Variants in PKP2 observed in about 807,000 individuals in gnomAD.
The protein encoded by PKP2 is plakophilin 2.
A neutral mutation model predicts 83.4 loss-of-function variants in PKP2; 73 were observed. The ratio of observed to expected loss-of-function variants is 0.88; its 90% confidence interval spans 0.72 to 1.06. The LOEUF is 1.06. PKP2 is among the 50% of genes least tolerant of loss of function. PKP2 has a pLI of 0.00. For missense variants in PKP2, 966 were observed against 1,065.4 expected (o/e 0.91, Z 1.30); for synonymous variants, 409 against 430.4 (o/e 0.95, Z 0.62).
chr12:32,892,607 C>T (rs549362047), intron 1 of PKP2, among the ~76,000 whole-genome samples: 3 of 152,172 alleles, frequency 2.0e-5, no homozygotes, highest in Non-Finnish European at 4.4e-5. Flanking sequence ...TGAGTCACTG[C>T]GCCCAGCCCA....
chr12:32,832,388 A>C (rs549700126), intron 6 of PKP2, among the ~76,000 whole-genome samples: 1 of 152,172 alleles, frequency 6.6e-6, no homozygotes, highest in African/African-American at 2.4e-5. Flanking sequence ...AAAAAAGAAA[A>C]AAAAAAAATT....
chr12:32,819,657 G>A (rs943875684), intron 9 of PKP2, among the ~76,000 whole-genome samples: 2 of 152,146 alleles, frequency 1.3e-5, no homozygotes, highest in Non-Finnish European at 2.9e-5. Flanking sequence ...ATGCTCAAAA[G>A]AATGTTTGTT....
intron 10 of PKP2, among the ~76,000 whole-genome samples, chr12:32,800,579 A>T (rs1237975294): frequency 6.6e-6 from 1 of 152,160 alleles, no homozygotes; most frequent in Non-Finnish European, 1.5e-5. Flanking sequence ...CAAGCTACTT[A>T]ATGTCTCTAT....
chr12:32,854,509 G>A (rs969784916), intron 4 of PKP2, among the ~76,000 whole-genome samples: 10 of 152,210 alleles, frequency 6.6e-5, no homozygotes, highest in Non-Finnish European at 8.8e-5. Flanking sequence ...AAGATGGTAG[G>A]TGATGAATCC....
intron 4 of PKP2, chr12:32,863,490 A>G (rs1340964776): frequency 5.5e-6 from 1 of 181,420 alleles, no homozygotes; most frequent in East Asian, 1.8e-4. Context: ...AAACAAAATA[A>G]AAATTTTCAG....
intron 1 of PKP2, among the ~76,000 whole-genome samples, chr12:32,890,527 C>T (rs1442880151): frequency 6.6e-6 from 1 of 152,240 alleles, no homozygotes; most frequent in East Asian, 1.9e-4. Context: ...TTTTCAAATG[C>T]TTAAGTTTCT....
rs1214194319 is a variant in PKP2, at chr12:32,819,282, T to TAAATA, written c.2013+2069_2013+2073dup. The stretch of plus-strand genomic sequence containing the variant: ...AACAGAGTGAGATTCCGCCTCAAAA[T>TAAATA]AAATACAATACAATACAATACAATA... On this transcript the variant is annotated intron_variant, in intron 9 of 12. Transcript: ENST00000340811. 2.7e-3 allele frequency among the ~76,000 whole-genome samples: 301 copies of TAAATA among 112,166 alleles called. 3 individuals are homozygous for TAAATA. Among genetic ancestry groups the TAAATA allele is most frequent in the African/African-American group, 0.01 (274 of 27,324 alleles). The allele number at this position is 112,166 out of a possible 152,430, so 73.6% of individuals were successfully genotyped here.
At chr12:32,821,960 A>G (rs1956383930) in intron 8 of PKP2, 1 of 243,094 alleles carries the variant, frequency 4.1e-6, no homozygotes, top group Non-Finnish European at 8.0e-6. Context: ...ATACCACGAT[A>G]CTCAGAGAAG....
chr12:32,858,100 TA>T (rs1956768882), intron 4 of PKP2, among the ~76,000 whole-genome samples: 2 of 91,924 alleles, frequency 2.2e-5, no homozygotes, highest in African/African-American at 8.8e-5. Flanking sequence ...TATATATATA[TA>T]TATATATATA....
At chr12:32,819,349 A>G (rs1423282720) in intron 9 of PKP2, among the ~76,000 whole-genome samples, 2 of 146,770 alleles carry the variant, frequency 1.4e-5, no homozygotes, top group Non-Finnish European at 2.9e-5. Flanking sequence ...AATAAAATAA[A>G]GGGGCTTCAT....
At position 32,871,811 on chromosome 12, in the gene PKP2, G is replaced by A. The variant is rs138805859; in HGVS notation, c.1035-2749C>T. Among the ~76,000 whole-genome samples the A allele has an allele frequency of 2.0e-3, 307 of 152,146 alleles. 5 individuals carry two copies. Among genetic ancestry groups the A allele is most frequent in the Non-Finnish European group, 5.0e-4 (34 of 67,988 alleles). On this transcript the variant is annotated intron_variant, in intron 3 of 12. Coordinates refer to ENST00000340811, the MANE Select transcript of PKP2 (RefSeq NM_001005242.3). ...GATGAGGCCTCCCTATATTGCCCAG[G>A]CTGGTCTCCAACTCCTTGTCTTAAG...
intron 4 of PKP2, among the ~76,000 whole-genome samples, chr12:32,858,084 A>ATATATATATAT (rs1555146084): frequency 1.5e-5 from 1 of 67,026 alleles, no homozygotes; most frequent in African/African-American, 8.0e-5. Context: ...AAAAAAAAAA[A>ATATATATATAT]ATATATATAT....
chr12:32,839,142 T>C (rs1956566850), intron 6 of PKP2, among the ~76,000 whole-genome samples: 1 of 152,112 alleles, frequency 6.6e-6, no homozygotes, highest in African/African-American at 2.4e-5. Context: ...AAAGGCTGTG[T>C]ATGCTGTGAT....
chr12:32,878,482 T>A lies in PKP2; in HGVS notation c.398A>T (p.Gln133Leu). 6.2e-7 allele frequency: 1 copy of A among 1,613,980 alleles called. No individual in the cohort carries two copies. The highest frequency in any genetic ancestry group is 1.3e-5 in the African/African-American group (1 of 75,074). Residue 133 changes from glutamine to leucine, a missense_variant, in exon 3 of 13, where the codon CAG becomes CTG. Coordinates refer to ENST00000340811, the MANE Select transcript of PKP2 (RefSeq NM_001005242.3). ...CAAGGACCTTTCTTCCACGGACTTC[T>A]GGGAGCTGTACTGTGCTGTTCCTCT... The part of the protein sequence containing the change: ...WGRGTAQYSS[Q>L]KSVEERSLRH...
At chr12:32,895,665 T>A (rs1957116018) in intron 1 of PKP2, among the ~76,000 whole-genome samples, 1 of 152,234 alleles carries the variant, frequency 6.6e-6, no homozygotes, top group Non-Finnish European at 1.5e-5. Context: ...AAAGGATACA[T>A]CATGATCTCT....
At chr12:32,853,532 A>T (rs1354558479) in intron 4 of PKP2, among the ~76,000 whole-genome samples, 5 of 130,866 alleles carry the variant, frequency 3.8e-5, no homozygotes, top group African/African-American at 1.5e-4. Flanking sequence ...TTTGAGACGG[A>T]GTCTCGCTCT....
intron 1 of PKP2, among the ~76,000 whole-genome samples, chr12:32,879,440 G>A (rs1956965685): frequency 6.6e-6 from 1 of 152,176 alleles, no homozygotes; most frequent in South Asian, 2.1e-4. Flanking sequence ...GCTGAGGCAG[G>A]AGAATCACTT....
chr12:32,838,257 A>G (rs1592745032), intron 6 of PKP2, among the ~76,000 whole-genome samples: 1 of 152,200 alleles, frequency 6.6e-6, no homozygotes, highest in East Asian at 1.9e-4. Flanking sequence ...TTCTCACTTA[A>G]AAATGGGAGC....
chr12:32,892,818 CG>C (rs574559982), intron 1 of PKP2, among the ~76,000 whole-genome samples: 1,467 of 20,044 alleles, frequency 0.073, 129 homozygotes, highest in African/African-American at 0.12. Context: ...GGGGTGGGGG[CG>C]GGGGGGGGGG....
Sources: gnomAD v4.1 joint callset for allele counts (sites outside exome capture counted in the v4.1 genomes callset) on GRCh38, gnomAD v4.1.1 for gene constraint, MANE v1.5 for transcripts, NCBI Gene and HGNC (gene_info 2026-07-23, HGNC 2026-07-21) for gene names.